HDAC11: variants seen among roughly 807,000 people sequenced by gnomAD.
HDAC11 encodes histone deacetylase 11.
In HDAC11, 23 loss-of-function variants were observed where a neutral mutation model predicts 41.1. The observed-to-expected ratio is 0.56, with a 90% CI of 0.40 to 0.79. The LOEUF is 0.79. Ranked by LOEUF, HDAC11 falls within the 30% of genes least tolerant of loss-of-function variation. The pLI is 0.00. For missense variants in HDAC11, 402 were observed against 477.3 expected (o/e 0.84, Z 1.47); for synonymous variants, 187 against 186.6 (o/e 1.00, Z -0.02).
intron 8 of HDAC11, 195 bp downstream of exon 8, chr3:13,503,175 C>A: frequency 2.3e-6 from 1 of 426,004 alleles, no homozygotes. Flanking sequence ...GATCACATAA[C>A]CCTTACAATA....
chr3:13,488,452 A>T (rs967083182), intron 3 of HDAC11, among the ~76,000 whole-genome samples: 2 of 151,866 alleles, frequency 1.3e-5, no homozygotes, highest in Admixed American at 1.3e-4. Context: ...CTTGGTAATC[A>T]CTCACCTGCA....
Position 13,496,827 on chromosome 3 carries a change from G to C in HDAC11, c.344G>C (p.Arg115Pro), listed in dbSNP as rs1377205294. The change falls in exon 4 of 10, where the codon CGG (arginine) becomes CCG (proline). Residue 115 changes from arginine to proline, a missense_variant. Transcript: ENST00000295757. ...LVQRKVLRPL[R>P]TQTGGTIMAG... Reference sequence around the variant, plus strand: ...CAGAGGAAGGTGCTGAGGCCCCTTCGGACCCAGACAGGAGGAACCATAATG... The same window carrying C: ...CAGAGGAAGGTGCTGAGGCCCCTTCCGACCCAGACAGGAGGAACCATAATG... 1.3e-6 allele frequency: 2 copies of C among 1,592,294 alleles called. No individual in the cohort carries two copies. Among genetic ancestry groups the C allele is most frequent in the Admixed American group, 1.7e-5 (1 of 57,764 alleles).
At chr3:13,486,569 G>GGGTT (rs1701589600) in intron 3 of HDAC11, among the ~76,000 whole-genome samples, 16 of 123,548 alleles carry the variant, frequency 1.3e-4, no homozygotes, top group African/African-American at 6.0e-4. Context: ...TCATGTAGAG[G>GGGTT]TGTTTTTTTT....
intron 2 of HDAC11, among the ~76,000 whole-genome samples, chr3:13,482,200 G>A (rs185305746): frequency 2.0e-5 from 3 of 152,302 alleles, no homozygotes; most frequent in African/African-American, 4.8e-5. Context: ...AGAGCATATC[G>A]TTTTAACTGT....
At position 13,483,629 on chromosome 3, in the gene HDAC11, A is replaced by G. The variant is rs1701427006; in HGVS notation, c.252+65A>G. The G allele has an allele frequency of 5.3e-6, 7 of 1,332,484 alleles. No individual in the cohort carries two copies. In the Admixed American group the frequency reaches 1.0e-4, roughly 19 times the overall value. 82.5% of individuals were successfully genotyped at this position (1,332,484 alleles called of 1,614,324 possible). ...AGGGGGCTGCTGGCCAGGAGTGGCC[A>G]GAGGCAGGAGGTGACTCAGCCTGGG... On this transcript the variant is annotated intron_variant, in intron 3 of 9. Transcript: ENST00000295757.
At chr3:13,497,854 CTTTTTTT>C (rs10667297) in intron 4 of HDAC11, among the ~76,000 whole-genome samples, 2 of 106,080 alleles carry the variant, frequency 1.9e-5, no homozygotes, top group Non-Finnish European at 3.5e-5. Flanking sequence ...TCTTTTTTTG[CTTTTTTT>C]TTTTTTTTTT....
chr3:13,484,913 C>A (rs1031102738), intron 3 of HDAC11, among the ~76,000 whole-genome samples: 1 of 152,082 alleles, frequency 6.6e-6, no homozygotes, highest in African/African-American at 2.4e-5. Context: ...TGCCAGCCTG[C>A]CTTGGTGGGG....
chr3:13,504,900 G>A lies in HDAC11; in HGVS notation c.*217G>A. ...GGTGGGGGCAGAAGGCAGAGCCTGT[G>A]TCCCAGGGGGACCCACACGAAGTCA... is the stretch of plus-strand genomic sequence containing the variant. On this transcript the variant is annotated 3_prime_UTR_variant, in exon 10 of 10. Coordinates refer to ENST00000295757, the MANE Select transcript of HDAC11 (RefSeq NM_024827.4). 1.7e-6 allele frequency: 1 copy of A among 597,466 alleles called. No individual in the cohort carries two copies. Among genetic ancestry groups the A allele is most frequent in the East Asian group, 2.8e-5 (1 of 35,816 alleles). The allele number at this position is 597,466 out of a possible 1,614,324, so 37.0% of individuals were successfully genotyped here. A position where few individuals can be genotyped will look rare whatever the true frequency, so the allele number is the denominator to read the frequency against.
chr3:13,501,827 C>G (rs1209575733), intron 6 of HDAC11, 44 bp from the exon 7 acceptor site: 1 of 1,586,356 alleles, frequency 6.3e-7, no homozygotes, highest in Non-Finnish European at 8.7e-7. Flanking sequence ...GCTGGGTCCT[C>G]TGTCCGCCCC....
chr3:13,495,053 T>G (rs1450204358), intron 3 of HDAC11, among the ~76,000 whole-genome samples: 1 of 152,028 alleles, frequency 6.6e-6, no homozygotes, highest in East Asian at 1.9e-4. Context: ...CTCCTCCTGG[T>G]TGGTGAACGC....
At chr3:13,484,224 A>G (rs1574886057) in intron 3 of HDAC11, among the ~76,000 whole-genome samples, 1 of 152,210 alleles carries the variant, frequency 6.6e-6, no homozygotes, top group East Asian at 1.9e-4. Context: ...TCGGCCTCCC[A>G]AAGTGCTGGG....
Position 13,502,090 on chromosome 3 carries a change from C to T in HDAC11, c.552+157C>T. 1.5e-6 allele frequency: 1 copy of T among 650,190 alleles called. No individual in the cohort carries two copies. Among genetic ancestry groups the T allele is most frequent in the Non-Finnish European group, 2.7e-6 (1 of 371,524 alleles). The allele number at this position is 650,190 out of a possible 1,614,324, so 40.3% of individuals were successfully genotyped here. A position where few individuals can be genotyped will look rare whatever the true frequency, so the allele number is the denominator to read the frequency against. The stretch of plus-strand genomic sequence containing the variant: ...ACAAATGCAGGGTCTGTCTTTGTCA[C>T]TCTGTCCAGGACAGCGGGTCCTCCT... On this transcript the variant is annotated intron_variant, in intron 7 of 9. Coordinates refer to ENST00000295757, the MANE Select transcript of HDAC11 (RefSeq NM_024827.4). This position sits in a 1 kb window ranked among gnomAD's most constrained non-coding sequence, Gnocchi z 4.1.
Position 13,504,559 on chromosome 3 carries a change from G to T in HDAC11, c.920G>T (p.Arg307Leu). The T allele has an allele frequency of 6.2e-7, 1 of 1,613,606 alleles. No individual in the cohort carries two copies. Among genetic ancestry groups the T allele is most frequent in the South Asian group, 1.1e-5 (1 of 91,086 alleles). ...GTGACCTCAGGCGGGTACCAGAAGC[G>T]CACAGCCCGCATCATTGCTGACTCC... The part of the protein sequence containing the change: ...LMVTSGGYQK[R>L]TARIIADSIL... Residue 307 changes from arginine to leucine, a missense_variant, in exon 10 of 10, where the codon CGC (arginine) becomes CTC (leucine). By Grantham distance (102) the Arg-to-Leu change is moderately radical (BLOSUM62 -2). Coordinates refer to ENST00000295757, the MANE Select transcript of HDAC11 (RefSeq NM_024827.4).
chr3:13,504,817 A>G lies in HDAC11; in HGVS notation c.*134A>G. 1.3e-6 allele frequency: 1 copy of G among 788,944 alleles called. No individual in the cohort carries two copies. Among genetic ancestry groups the G allele is most frequent in the South Asian group, 1.7e-5 (1 of 60,156 alleles). 48.9% of individuals were successfully genotyped at this position (788,944 alleles called of 1,614,324 possible). Reference sequence around the variant, plus strand: ...AGGGCCATCCCTGGCTGGGGCCTGGAGCTGGCCCTTCCTCTACTTTTCCCT... The same window carrying G: ...AGGGCCATCCCTGGCTGGGGCCTGGGGCTGGCCCTTCCTCTACTTTTCCCT... On this transcript the variant is annotated 3_prime_UTR_variant, in exon 10 of 10. Coordinates refer to ENST00000295757, the MANE Select transcript of HDAC11 (RefSeq NM_024827.4).
chr3:13,489,322 A>G (rs1421255404), intron 3 of HDAC11, among the ~76,000 whole-genome samples: 1 of 152,122 alleles, frequency 6.6e-6, no homozygotes, highest in African/African-American at 2.4e-5. Flanking sequence ...GGTTTACCGC[A>G]TGTGTTTTCT....
chr3:13,484,690 C>T (rs1476831234), intron 3 of HDAC11, among the ~76,000 whole-genome samples: 5 of 152,214 alleles, frequency 3.3e-5, no homozygotes, highest in Non-Finnish European at 7.3e-5. Flanking sequence ...CCACACCCGG[C>T]CCTGATTTCT....
intron 3 of HDAC11, among the ~76,000 whole-genome samples, chr3:13,492,364 T>C (rs569395662): frequency 4.2e-4 from 64 of 152,172 alleles, no homozygotes; most frequent in Non-Finnish European, 7.9e-4. Flanking sequence ...ACCTACTGTG[T>C]GCCAGGCATG....
intron 2 of HDAC11, among the ~76,000 whole-genome samples, chr3:13,483,003 A>G (rs1289955323): frequency 6.6e-6 from 1 of 151,204 alleles, no homozygotes; most frequent in African/African-American, 2.4e-5. Flanking sequence ...CACCTGCCTC[A>G]ACCTCCCAAA....
Position 13,502,099 on chromosome 3 carries a change from G to T in HDAC11, c.552+166G>T. On this transcript the variant is annotated intron_variant, in intron 7 of 9. Coordinates refer to ENST00000295757, the MANE Select transcript of HDAC11 (RefSeq NM_024827.4). This position sits in a 1 kb window ranked among gnomAD's most constrained non-coding sequence, Gnocchi z 4.1. ...GGGTCTGTCTTTGTCACTCTGTCCA[G>T]GACAGCGGGTCCTCCTCATTGCTCC... The T allele has an allele frequency of 1.6e-6, 1 of 614,462 alleles. No individual in the cohort carries two copies. Among genetic ancestry groups the T allele is most frequent in the Non-Finnish European group, 2.9e-6 (1 of 350,024 alleles). 38.1% of individuals were successfully genotyped at this position (614,462 alleles called of 1,614,324 possible).
Sources: allele counts gnomAD v4.1 joint callset (sites outside exome capture counted in the v4.1 genomes callset), GRCh38; gene constraint gnomAD v4.1.1; non-coding constraint Gnocchi (gnomAD v3.1); transcripts MANE v1.5; gene names NCBI Gene and HGNC (gene_info 2026-07-23, HGNC 2026-07-21).